The following KIF2C variants were observed in gnomAD, a reference collection of about 807,000 sequenced individuals.
KIF2C encodes the protein kinesin family member 2C.
Under a neutral mutation model 97.4 loss-of-function variants are expected in KIF2C, and 34 were observed. The ratio of observed to expected loss-of-function variants is 0.35; its 90% CI spans 0.27 to 0.46. The LOEUF (loss-of-function observed/expected upper bound fraction) is 0.46. Ranked by LOEUF, KIF2C falls within the 20% of genes least tolerant of loss-of-function variation. The probability of loss-of-function intolerance (pLI) is 1.00; values close to 1 mark genes in which losing one functional copy is unlikely to be tolerated. For missense variants in KIF2C, 750 were observed against 907.6 expected (o/e 0.83, Z 2.23); for synonymous variants, 313 against 318.2 (o/e 0.98, Z 0.17).
intron 8 of KIF2C, among the ~76,000 whole-genome samples, chr1:44,755,544 G>A (rs1488242719): frequency 2.0e-5 from 3 of 152,226 alleles, no homozygotes; most frequent in Admixed American, 6.5e-5. Context: ...GATTACAGGC[G>A]TGAGCCACCA....
chr1:44,745,938 G>A (rs551846054), intron 2 of KIF2C, among the ~76,000 whole-genome samples: 6 of 151,928 alleles, frequency 3.9e-5, no homozygotes, highest in South Asian at 4.2e-4. Flanking sequence ...GTGCAGTGGC[G>A]GGATCTCGGC....
chr1:44,753,695 GCTTC>G (rs1226551439), intron 6 of KIF2C, 34 bp from the exon 7 acceptor site: 2 of 1,448,488 alleles, frequency 1.4e-6, no homozygotes, highest in African/African-American at 2.9e-5. Flanking sequence ...AACAGAGTGG[GCTTC>G]CTTTTTTTTT....
At chr1:44,744,233 A>G (rs1649070396) in intron 2 of KIF2C, among the ~76,000 whole-genome samples, 1 of 152,072 alleles carries the variant, frequency 6.6e-6, no homozygotes, top group Non-Finnish European at 1.5e-5. Flanking sequence ...TCAGTCTCCC[A>G]AGTAGCTGGG....
intron 13 of KIF2C, among the ~76,000 whole-genome samples, chr1:44,758,404 C>T (rs185007581): frequency 1.8e-4 from 27 of 152,192 alleles, no homozygotes; most frequent in African/African-American, 5.8e-4. Context: ...CTCCCTCGGC[C>T]GACCTCCTTC....
At position 44,753,138 on chromosome 1, in the gene KIF2C, C is replaced by G. The variant is rs760999037; in HGVS notation, c.446C>G (p.Pro149Arg). 5 of 1,612,046 alleles carry G rather than the reference C, an allele frequency of 3.1e-6. No homozygotes were observed. The highest frequency in any genetic ancestry group is 4.2e-6 in the Non-Finnish European group (5 of 1,178,844). The change falls in exon 6 of 21, where the codon CCC (proline) becomes CGC (arginine). Residue 149 changes from proline (P) to arginine (R), a missense_variant. Coordinates refer to ENST00000372224, the MANE Select transcript of KIF2C (RefSeq NM_006845.4). The stretch of plus-strand genomic sequence containing the variant: ...GACTCTTGTTCCCCTACAGCTGCCC[C>G]CACTAGGCCTTCCTGCCCTGCAGTG... Reference protein sequence around the residue: ...SRKQFSVPPAPTRPSCPAVAE... With the variant: ...SRKQFSVPPARTRPSCPAVAE...
intron 2 of KIF2C, among the ~76,000 whole-genome samples, chr1:44,744,643 G>A (rs1270106939): frequency 6.6e-6 from 1 of 152,178 alleles, no homozygotes; most frequent in African/African-American, 2.4e-5. Flanking sequence ...GCTCACACTT[G>A]TAATCCCAGC....
Position 44,757,763 on chromosome 1 carries a change from G to C in KIF2C, c.1068+117G>C, listed in dbSNP as rs1649918521. On this transcript the variant is annotated intron_variant, in intron 11 of 20. Transcript: ENST00000372224. Reference sequence around the variant, plus strand: ...CCTTGTTACAGATGCCCCATCACCAGATAGCCTTGCCATGTCAGATGCAGG... The same window carrying C: ...CCTTGTTACAGATGCCCCATCACCACATAGCCTTGCCATGTCAGATGCAGG... 3 of 1,099,926 alleles carry C rather than the reference G, an allele frequency of 2.7e-6. No individual in the cohort carries two copies. The South Asian group carries it at 3.8e-5, about 14-fold the overall frequency. 68.1% of individuals were successfully genotyped at this position (1,099,926 alleles called of 1,614,324 possible). A position where few individuals can be genotyped will look rare whatever the true frequency, so the allele number is the denominator to read the frequency against.
Position 44,740,107 on chromosome 1 carries a change from C to G in KIF2C, c.70+105C>G, listed in dbSNP as rs530250085. On this transcript the variant is annotated intron_variant, in intron 1 of 20. Coordinates refer to ENST00000372224, the MANE Select transcript of KIF2C (RefSeq NM_006845.4). ...GATGGGCTTTCACTCTCTTTCTCTC[C>G]CTCCCTCCTTTTCACACGCACTCAC... The G allele has an allele frequency of 8.5e-5, 114 of 1,344,452 alleles. 2 individuals are homozygous for G. The South Asian group carries it at 1.2e-3, about 15-fold the overall frequency. 83.3% of individuals were successfully genotyped at this position (1,344,452 alleles called of 1,614,324 possible).
At chr1:44,766,767 A>C in intron 19 of KIF2C, 59 bp from the exon 20 acceptor site, 1 of 1,588,322 alleles carries the variant, frequency 6.3e-7, no homozygotes, top group Non-Finnish European at 8.6e-7. Context: ...AGTTGGTAGG[A>C]CCCCAGGAAT....
chr1:44,750,079 C>CAAA (rs67811341), intron 4 of KIF2C, among the ~76,000 whole-genome samples: 2 of 68,278 alleles, frequency 2.9e-5, no homozygotes, highest in Non-Finnish European at 6.4e-5. Flanking sequence ...CGAAACTCCT[C>CAAA]AAAAAAAAAA....
intron 14 of KIF2C, among the ~76,000 whole-genome samples, chr1:44,759,831 T>TA (rs1269756111): frequency 6.6e-6 from 1 of 152,160 alleles, no homozygotes; most frequent in African/African-American, 2.4e-5. Flanking sequence ...AATGGGTTCA[T>TA]ACCCCCTCTG....
Position 44,762,380 on chromosome 1 carries a change from G to A in KIF2C, c.1786G>A (p.Gly596Arg). 3 of 1,614,130 alleles carry A rather than the reference G, an allele frequency of 1.9e-6. No individual in the cohort carries two copies. Among genetic ancestry groups the A allele is most frequent in the Non-Finnish European group, 2.5e-6 (3 of 1,180,012 alleles). ...GCTGAGCCCCCACAGTGGGCCCAGT[G>A]GAGAGCAGTTGATTCAAATGGAAAC... is the stretch of plus-strand genomic sequence containing the variant. The part of the protein sequence containing the change: ...KELSPHSGPS[G>R]EQLIQMETEE... Residue 596 changes from glycine to arginine, a missense_variant, in exon 18 of 21, where the codon GGA becomes AGA. Coordinates refer to ENST00000372224, the MANE Select transcript of KIF2C (RefSeq NM_006845.4).
rs1648848274 is a variant in KIF2C at position 44,739,947 on chromosome 1, G to A, written c.15G>A (p.Ser5=). 2.5e-6 allele frequency: 4 copies of A among 1,614,200 alleles called. No homozygotes were observed. Among genetic ancestry groups the A allele is most frequent in the Non-Finnish European group, 2.5e-6 (3 of 1,180,020 alleles). The change falls in exon 1 of 21, where the codon TCG becomes TCA. Residue 5 remains serine, a synonymous_variant. Coordinates refer to ENST00000372224, the MANE Select transcript of KIF2C (RefSeq NM_006845.4). ...TGACTCTCCGAATGGCCATGGACTC[G>A]TCGCTTCAGGCCCGCCTGTTTCCCG... MAMD[S]SLQARLFPGL...
intron 11 of KIF2C, 93 bp from the exon 12 acceptor site, chr1:44,757,815 C>T: frequency 1.5e-6 from 2 of 1,358,174 alleles, no homozygotes; most frequent in South Asian, 2.3e-5. Flanking sequence ...AGCCTTCTGG[C>T]TTTGTTGTGG....
chr1:44,750,273 A>T, intron 4 of KIF2C, 169 bp from the exon 5 acceptor site: 2 of 580,364 alleles, frequency 3.4e-6, no homozygotes, highest in Non-Finnish European at 5.3e-6. Context: ...TTTTGGGGTT[A>T]CTGGTACTTG....
At chr1:44,764,688 T>C (rs1363954765) in intron 19 of KIF2C, among the ~76,000 whole-genome samples, 1 of 151,814 alleles carries the variant, frequency 6.6e-6, no homozygotes, top group African/African-American at 2.4e-5. Flanking sequence ...TTTGTATTTT[T>C]AGTAGAGACG....
At position 44,760,622 on chromosome 1, in the gene KIF2C, G is replaced by T; in HGVS notation, c.1603G>T (p.Ala535Ser). The T allele has an allele frequency of 6.2e-7, 1 of 1,614,206 alleles. No homozygotes were observed. The highest frequency in any genetic ancestry group is 8.5e-7 in the Non-Finnish European group (1 of 1,180,040). The change falls in exon 16 of 21, where the codon GCT becomes TCT. Residue 535 changes from alanine (A) to serine (S), a missense_variant. Ala to Ser is a moderately conservative substitution (Grantham distance 99, BLOSUM62 1). Coordinates refer to ENST00000372224, the MANE Select transcript of KIF2C (RefSeq NM_006845.4). The surrounding 1 kb of genome is among the most constrained non-coding windows in gnomAD (Gnocchi z 4.2). ...CATCAGGGCCCTGGGACAGAACAAG[G>T]CTCACACCCCGTTCCGTGAGAGCAA... The part of the protein sequence containing the change: ...ECIRALGQNK[A>S]HTPFRESKLT...
intron 17 of KIF2C, 97 bp from the exon 18 acceptor site, chr1:44,762,249 C>G: frequency 8.7e-7 from 1 of 1,154,894 alleles, no homozygotes; most frequent in South Asian, 1.2e-5. Flanking sequence ...CATTCCATCC[C>G]CTTGGAGCCT....
In KIF2C at chr1:44,742,703, A is replaced by G. The variant is rs559661459; in HGVS notation, c.165+1696A>G. Among the ~76,000 whole-genome samples the G allele has an allele frequency of 3.2e-4, 45 of 140,796 alleles. 1 individual carries two copies. The highest frequency in any genetic ancestry group is 1.5e-3 in the East Asian group (7 of 4,594). 92.4% of individuals were successfully genotyped at this position (140,796 alleles called of 152,430 possible). On this transcript the variant is annotated intron_variant, in intron 2 of 20. Coordinates refer to ENST00000372224, the MANE Select transcript of KIF2C (RefSeq NM_006845.4). Reference sequence around the variant, plus strand: ...CACTGCACTCCAGCCTGGGCAACAGAGTGAAACTTCGTCTCAAAAAAAAAA... The same window carrying G: ...CACTGCACTCCAGCCTGGGCAACAGGGTGAAACTTCGTCTCAAAAAAAAAA...
Sources: gnomAD v4.1 joint callset for allele counts (sites outside exome capture counted in the v4.1 genomes callset) on GRCh38, gnomAD v4.1.1 for gene constraint, Gnocchi (gnomAD v3.1) non-coding constraint, MANE v1.5 for transcripts, NCBI Gene and HGNC (gene_info 2026-07-23, HGNC 2026-07-21) for gene names.